SH3RF1: variants seen among roughly 807,000 people sequenced by gnomAD.
The protein encoded by SH3RF1 is SH3 domain containing ring finger 1, also known as E3 ubiquitin-protein ligase SH3RF1.
Under a neutral mutation model 74.0 loss-of-function variants are expected in SH3RF1, and 32 were observed. The ratio of observed to expected loss-of-function variants is 0.43; its 90% CI spans 0.33 to 0.58. The LOEUF (loss-of-function observed/expected upper bound fraction) is 0.58. Among genes scored for constraint, SH3RF1 ranks in the 20% least tolerant of loss-of-function variants. SH3RF1 has a pLI of 0.05. For synonymous variants in SH3RF1, 396 were observed against 439.6 expected (o/e 0.90, Z 1.24); for missense variants, 954 against 1,130.9 (o/e 0.84, Z 2.24).
Position 169,266,360 on chromosome 4 carries a change from G to C in SH3RF1, c.393+2460C>G, listed in dbSNP as rs185628769. 2.0e-5 allele frequency among the ~76,000 whole-genome samples: 3 copies of C among 152,294 alleles called. No homozygotes were observed. In the East Asian group the frequency reaches 5.8e-4, roughly 29 times the overall value. On this transcript the variant is annotated intron_variant, in intron 2 of 11. Transcript: ENST00000284637. ...CAGGCTCACTGCACCACTTGGTTGT[G>C]TCAGAACACTTAAGGGAGGAGGATG...
chr4:169,174,033 C>T (rs946693531), intron 2 of SH3RF1, among the ~76,000 whole-genome samples: 4 of 151,070 alleles, frequency 2.6e-5, no homozygotes, highest in African/African-American at 9.7e-5. Context: ...TGAATTCATA[C>T]CTGAAGCAGC....
Position 169,206,125 on chromosome 4 carries a change from T to C in SH3RF1, c.394-49446A>G, listed in dbSNP as rs141099365. Among the ~76,000 whole-genome samples the C allele has an allele frequency of 3.3e-3, 509 of 152,366 alleles. 1 individual carries two copies. Among genetic ancestry groups the C allele is most frequent in the African/African-American group, 0.011 (459 of 41,598 alleles). ...AATAATTTCAAGGATTTTAGAACAG[T>C]GGTGCTAAAGAGCATCTCTTGCATA... On this transcript the variant is annotated intron_variant, in intron 2 of 11. Transcript: ENST00000284637.
rs536836779 is a variant in SH3RF1 at position 169,238,548 on chromosome 4, T to C, written c.393+30272A>G. On this transcript the variant is annotated intron_variant, in intron 2 of 11. Transcript: ENST00000284637. ...GGGCTGAGAATTATGAATTGTTGTCTATCAGGCTGAAGTGACTTTCCAAAA... is the reference window on the plus strand; with the variant it reads ...GGGCTGAGAATTATGAATTGTTGTCCATCAGGCTGAAGTGACTTTCCAAAA... Among the ~76,000 whole-genome samples, 58 of 152,358 alleles carry C rather than the reference T, an allele frequency of 3.8e-4. 1 individual carries two copies. The Middle Eastern group carries it at 0.034, about 89-fold the overall frequency.
chr4:169,172,922 C>T (rs1441446812), intron 2 of SH3RF1, among the ~76,000 whole-genome samples: 2 of 152,122 alleles, frequency 1.3e-5, no homozygotes, highest in Non-Finnish European at 2.9e-5. Context: ...CTCTTGCTCT[C>T]TATTTTAGAA....
chr4:169,113,068 T>C (rs144034469), intron 10 of SH3RF1, among the ~76,000 whole-genome samples: 270 of 151,538 alleles, frequency 1.8e-3, no homozygotes, highest in African/African-American at 6.1e-3. Flanking sequence ...GGGATGAGGG[T>C]CAACTGAACA....
At chr4:169,126,467 C>CCAA (rs1733527368) in intron 6 of SH3RF1, among the ~76,000 whole-genome samples, 1 of 152,226 alleles carries the variant, frequency 6.6e-6, no homozygotes, top group South Asian at 2.1e-4. Context: ...CCTGAACCCA[C>CCAA]CAACAACAGT....
At position 169,106,491 on chromosome 4, in the gene SH3RF1, T is replaced by TA. The variant is rs201979539; in HGVS notation, c.2498+355dup. ...ATTTTTAATAAAAAAGGCAAAAAAT[T>TA]AAAAAAAAAAAAGACAGCAATTAGT... On this transcript the variant is annotated intron_variant, in intron 11 of 11. Coordinates refer to ENST00000284637, the MANE Select transcript of SH3RF1 (RefSeq NM_020870.4). Among the ~76,000 whole-genome samples the TA allele has an allele frequency of 2.1e-3, 301 of 141,806 alleles. 3 individuals are homozygous for TA. The South Asian group carries it at 0.028, about 13-fold the overall frequency. 93.0% of individuals were successfully genotyped at this position (141,806 alleles called of 152,430 possible). A position where few individuals can be genotyped will look rare whatever the true frequency, so the allele number is the denominator to read the frequency against.
chr4:169,169,837 C>T (rs1386082005), intron 2 of SH3RF1, among the ~76,000 whole-genome samples: 1 of 152,122 alleles, frequency 6.6e-6, no homozygotes, highest in East Asian at 1.9e-4. Flanking sequence ...AAGCAATCCT[C>T]CTGTCGTAGC....
intron 4 of SH3RF1, among the ~76,000 whole-genome samples, chr4:169,141,476 T>C (rs1459965090): frequency 6.6e-6 from 1 of 152,184 alleles, no homozygotes; most frequent in Non-Finnish European, 1.5e-5. Flanking sequence ...AGTTTAAAAA[T>C]CGTTTTTTGA....
chr4:169,107,172 C>A lies in SH3RF1; in HGVS notation c.2173G>T (p.Gly725Cys). The change falls in exon 11 of 12, where the codon GGC (glycine) becomes TGC (cysteine). Residue 725 changes from glycine (G) to cysteine (C), a missense_variant. Physicochemically the swap from Gly to Cys is radical, Grantham distance 159 (BLOSUM62 -3). This residue lies in a region of SH3RF1 where 854 missense variants were observed against 962.5 expected (regional missense o/e 0.89). Transcript: ENST00000284637. ...CGGGGCTTCCGTTTAGTGGAGGCGC[C>A]AGAAAGCAACTTCAACAAACCCTTT... ...EKKGLLKLLS[G>C]ASTKRKPRVS... is the part of the protein sequence containing the mutation. 1 of 1,556,878 alleles carries A rather than the reference C, an allele frequency of 6.4e-7. No individual in the cohort carries two copies. Among genetic ancestry groups the A allele is most frequent in the South Asian group, 1.2e-5 (1 of 84,504 alleles).
chr4:169,116,769 G>A (rs1254271549), intron 9 of SH3RF1, 139 bp from the exon 10 acceptor site: 43 of 1,206,282 alleles, frequency 3.6e-5, no homozygotes, highest in Non-Finnish European at 4.6e-5. Flanking sequence ...GGGATGGACG[G>A]TGGCCTAAAA....
intron 6 of SH3RF1, 47 bp from the exon 7 acceptor site, chr4:169,122,313 T>A (rs1733454686): frequency 2.0e-6 from 3 of 1,526,678 alleles, no homozygotes; most frequent in Non-Finnish European, 2.7e-6. Context: ...GGGAACAAAA[T>A]ACTGATTTAC....
intron 6 of SH3RF1, among the ~76,000 whole-genome samples, chr4:169,123,905 A>G (rs1733483159): frequency 6.6e-6 from 1 of 151,894 alleles, no homozygotes; most frequent in Non-Finnish European, 1.5e-5. Context: ...AAAAAAAAAA[A>G]TTGTTATAGC....
chr4:169,123,473 G>A lies in SH3RF1; in HGVS notation c.1180-1207C>T, dbSNP rs58501661. Among the ~76,000 whole-genome samples, 1,242 of 152,294 alleles carry A rather than the reference G, an allele frequency of 8.2e-3. 23 individuals are homozygous for A. The highest frequency in any genetic ancestry group is 0.029 in the African/African-American group (1,185 of 41,566). ...AAGTGGTTGCAGAACATTTAGTGCA[G>A]AAACAAATGAGGTGCAGAGCCACTT... On this transcript the variant is annotated intron_variant, in intron 6 of 11. Coordinates refer to ENST00000284637, the MANE Select transcript of SH3RF1 (RefSeq NM_020870.4).
intron 2 of SH3RF1, among the ~76,000 whole-genome samples, chr4:169,258,804 T>A (rs1361428674): frequency 3.9e-5 from 6 of 152,308 alleles, no homozygotes; most frequent in Admixed American, 1.3e-4. Context: ...TAAAGTTTTT[T>A]AAGGATATTT....
intron 2 of SH3RF1, among the ~76,000 whole-genome samples, chr4:169,174,292 G>A (rs1734381533): frequency 1.3e-5 from 2 of 149,068 alleles, no homozygotes; most frequent in Admixed American, 1.3e-4. Flanking sequence ...AAATTCTTAA[G>A]ACTCAAGCAA....
intron 8 of SH3RF1, among the ~76,000 whole-genome samples, chr4:169,118,946 GT>G (rs572599282): frequency 2.6e-5 from 4 of 151,980 alleles, no homozygotes; most frequent in South Asian, 4.1e-4. Flanking sequence ...TGTGTAATGT[GT>G]TTTTTTCCAT....
intron 4 of SH3RF1, among the ~76,000 whole-genome samples, chr4:169,147,918 A>G (rs1733919209): frequency 6.6e-6 from 1 of 152,164 alleles, no homozygotes; most frequent in South Asian, 2.1e-4. Flanking sequence ...TTACTGGAAA[A>G]ATTTAGTGTG....
intron 2 of SH3RF1, among the ~76,000 whole-genome samples, chr4:169,236,515 A>G (rs549585187): frequency 6.6e-6 from 1 of 152,354 alleles, no homozygotes; most frequent in East Asian, 1.9e-4. Flanking sequence ...GTTACTTATT[A>G]GTTGGTGTGA....
Sources: gnomAD v4.1 joint callset for allele counts (sites outside exome capture counted in the v4.1 genomes callset) on GRCh38, gnomAD v4.1.1 for gene constraint, gnomAD v4.1.1 regional missense constraint, MANE v1.5 for transcripts, NCBI Gene and HGNC (gene_info 2026-07-23, HGNC 2026-07-21) for gene names.